Variants in CNTN4 observed in about 807,000 individuals in gnomAD.
CNTN4 encodes the protein contactin-4.
CNTN4 carries 77 observed loss-of-function variants against 122.5 expected under a neutral mutation model. The ratio of observed to expected loss-of-function variants is 0.63; its 90% CI spans 0.52 to 0.76. The LOEUF (loss-of-function observed/expected upper bound fraction) is 0.76. Ranked by LOEUF, CNTN4 falls within the 30% of genes least tolerant of loss-of-function variation. CNTN4 has a pLI of 0.00. For synonymous variants in CNTN4, 512 were observed against 447.0 expected (o/e 1.15, Z -1.83); for missense variants, 1,256 against 1,259.1 (o/e 1.00, Z 0.04).
At chr3:3,054,021 T>C in intron 24 of CNTN4, 46 bp downstream of exon 24, 1 of 1,596,542 alleles carries the variant, frequency 6.3e-7, no homozygotes, top group Non-Finnish European at 8.6e-7. Flanking sequence ...TGTCTTATCT[T>C]ATCAGCCTTC....
chr3:2,348,213 G>T (rs2044477296), intron 3 of CNTN4, among the ~76,000 whole-genome samples: 1 of 151,840 alleles, frequency 6.6e-6, no homozygotes, highest in Non-Finnish European at 1.5e-5. Flanking sequence ...CATTTTATAA[G>T]TAGAGTAAAT....
intron 4 of CNTN4, among the ~76,000 whole-genome samples, chr3:2,572,718 G>C (rs1002650374): frequency 1.3e-5 from 2 of 152,182 alleles, no homozygotes; most frequent in Non-Finnish European, 2.9e-5. Flanking sequence ...TAATGTTACT[G>C]AGTACCGTGT....
At chr3:2,493,302 G>A (rs2076367560) in intron 3 of CNTN4, among the ~76,000 whole-genome samples, 2 of 151,932 alleles carry the variant, frequency 1.3e-5, no homozygotes, top group Non-Finnish European at 2.9e-5. Context: ...ATCTAAACTA[G>A]ATTATACTGG....
chr3:2,565,140 C>A (rs2079102470), intron 3 of CNTN4, among the ~76,000 whole-genome samples: 1 of 151,976 alleles, frequency 6.6e-6, no homozygotes, highest in Non-Finnish European at 1.5e-5. Flanking sequence ...TGAGTATGGT[C>A]TAAATAAGGG....
chr3:2,273,284 C>T (rs970161882), intron 2 of CNTN4, among the ~76,000 whole-genome samples: 7 of 151,978 alleles, frequency 4.6e-5, no homozygotes, highest in Non-Finnish European at 8.8e-5. Context: ...TATAGTTGAC[C>T]CCACGTGTAA....
intron 2 of CNTN4, among the ~76,000 whole-genome samples, chr3:2,231,718 A>G (rs914871517): frequency 2.0e-5 from 3 of 152,182 alleles, no homozygotes; most frequent in African/African-American, 4.8e-5. Context: ...TCTTTTTGTC[A>G]TTTATCTAAA....
intron 2 of CNTN4, among the ~76,000 whole-genome samples, chr3:2,256,904 C>T (rs1306479746): frequency 6.6e-6 from 1 of 152,136 alleles, no homozygotes; most frequent in Non-Finnish European, 1.5e-5. Context: ...CATCAAGCCA[C>T]CATTGACTTT....
chr3:2,568,316 T>TGAA (rs1553562717), intron 3 of CNTN4, among the ~76,000 whole-genome samples: 11 of 25,894 alleles, frequency 4.2e-4, no homozygotes, highest in Non-Finnish European at 4.0e-4. Context: ...TGCAAGAATG[T>TGAA]GAAAAAAAAA....
chr3:2,490,315 G>C lies in CNTN4; in HGVS notation c.-88-81101G>C, dbSNP rs140506080. Among the ~76,000 whole-genome samples, 65 of 152,246 alleles carry C rather than the reference G, an allele frequency of 4.3e-4. 1 individual carries two copies. In the East Asian group the frequency reaches 0.012, roughly 28 times the overall value. On this transcript the variant is annotated intron_variant, in intron 3 of 24. Coordinates refer to ENST00000418658, the MANE Select transcript of CNTN4 (RefSeq NM_175607.3). ...CTGTCACGCCCACTCTCATGGTTTT[G>C]TGTACTTTGAAGTACCACCTAGTTA...
chr3:3,034,482 C>T (rs764383823), intron 16 of CNTN4, 150 bp from the exon 17 acceptor site: 14 of 833,148 alleles, frequency 1.7e-5, no homozygotes, highest in Non-Finnish European at 2.3e-5. Context: ...GTTCCAAGCA[C>T]GTAGTAGGAG....
At chr3:2,562,638 T>C (rs1192931119) in intron 3 of CNTN4, among the ~76,000 whole-genome samples, 4 of 152,166 alleles carry the variant, frequency 2.6e-5, no homozygotes, top group Non-Finnish European at 2.9e-5. Flanking sequence ...GATGGGCACG[T>C]AGGTTGATTC....
chr3:2,305,098 G>A (rs1283111423), intron 2 of CNTN4, among the ~76,000 whole-genome samples: 1 of 151,994 alleles, frequency 6.6e-6, no homozygotes, highest in African/African-American at 2.4e-5. Context: ...TTCATTTTAT[G>A]CTCAGAGCTA....
intron 6 of CNTN4, among the ~76,000 whole-genome samples, chr3:2,805,033 C>G (rs927932872): frequency 8.6e-5 from 13 of 151,960 alleles, no homozygotes; most frequent in African/African-American, 2.2e-4. Context: ...AAAAATTTGC[C>G]GGGCATGGTG....
intron 7 of CNTN4, among the ~76,000 whole-genome samples, chr3:2,836,543 G>A (rs1383385984): frequency 6.6e-6 from 1 of 151,760 alleles, no homozygotes; most frequent in Non-Finnish European, 1.5e-5. Flanking sequence ...CCATTTTATG[G>A]ATGAGAAAAA....
At chr3:2,562,912 G>A (rs897846948) in intron 3 of CNTN4, among the ~76,000 whole-genome samples, 4 of 151,672 alleles carry the variant, frequency 2.6e-5, no homozygotes, top group Non-Finnish European at 5.9e-5. Flanking sequence ...TTTTTTTGTA[G>A]AGATGGTATC....
At chr3:2,811,720 A>G (rs185118890) in intron 6 of CNTN4, among the ~76,000 whole-genome samples, 24 of 152,150 alleles carry the variant, frequency 1.6e-4, no homozygotes, top group Admixed American at 1.6e-3. Context: ...GCTGTAGTGC[A>G]GTGGCGCGAT....
intron 3 of CNTN4, among the ~76,000 whole-genome samples, chr3:2,462,066 T>C (rs747864636): frequency 6.6e-6 from 1 of 152,202 alleles, no homozygotes; most frequent in African/African-American, 2.4e-5. Context: ...CCAGGTATGC[T>C]GCTGACCATC....
At chr3:3,038,690 G>A (rs1207675485) in intron 18 of CNTN4, among the ~76,000 whole-genome samples, 1 of 152,324 alleles carries the variant, frequency 6.6e-6, no homozygotes, top group East Asian at 1.9e-4. Context: ...TTGGTCAGAC[G>A]TGTCAGATAA....
rs986016891 is a variant in CNTN4 at position 2,430,698 on chromosome 3, A to G, written c.-89+91465A>G. Among the ~76,000 whole-genome samples, 16 of 151,094 alleles carry G rather than the reference A, an allele frequency of 1.1e-4. No homozygotes were observed. The South Asian group carries it at 1.3e-3, about 12-fold the overall frequency. ...CATTATATTTAGCAATGATTTACTT[A>G]TAACTGTTGTGTGGGAGAATATCCT... On this transcript the variant is annotated intron_variant, in intron 3 of 24. Transcript: ENST00000418658.
Sources: gnomAD v4.1 joint callset for allele counts (sites outside exome capture counted in the v4.1 genomes callset) on GRCh38, gnomAD v4.1.1 for gene constraint, MANE v1.5 for transcripts, NCBI Gene and HGNC (gene_info 2026-07-23, HGNC 2026-07-21) for gene names.